The following ZNF346 variants were observed in gnomAD, a reference collection of about 807,000 sequenced individuals.
The protein encoded by ZNF346 is zinc finger protein 346.
ZNF346 carries 23 observed loss-of-function variants against 33.7 expected under a neutral mutation model. The ratio of observed to expected loss-of-function variants is 0.68; its 90% CI spans 0.49 to 0.97. The LOEUF is 0.97. Among genes scored for constraint, ZNF346 ranks in the 50% least tolerant of loss-of-function variants. The pLI is 0.00. For synonymous variants in ZNF346, 134 were observed against 142.4 expected, an observed-to-expected ratio of 0.94 and a Z score of 0.42; for missense variants, 340 against 371.1, an observed-to-expected ratio of 0.92 and a Z score of 0.69.
chr5:177,071,414 C>T (rs1166909287), downstream of ZNF346, among the ~76,000 whole-genome samples: 2 of 151,396 alleles, frequency 1.3e-5, no homozygotes, highest in African/African-American at 2.4e-5. Context: ...GCGCCAGGCG[C>T]GGTGGCTCAC....
intron 1 of ZNF346, among the ~76,000 whole-genome samples, chr5:177,029,080 C>T (rs1777307378): frequency 1.3e-5 from 2 of 152,066 alleles, no homozygotes; most frequent in Non-Finnish European, 2.9e-5. Context: ...TTTGAGAAGT[C>T]CCTAGATTAC....
At chr5:177,051,309 G>C (rs1260656879) in intron 5 of ZNF346, among the ~76,000 whole-genome samples, 1 of 150,714 alleles carries the variant, frequency 6.6e-6, no homozygotes, top group Non-Finnish European at 1.5e-5. Flanking sequence ...TGAGTAGCTG[G>C]GACTACAGGT....
At chr5:177,028,509 T>C (rs1413605467) in intron 1 of ZNF346, among the ~76,000 whole-genome samples, 2 of 135,134 alleles carry the variant, frequency 1.5e-5, no homozygotes, top group Non-Finnish European at 3.1e-5. Flanking sequence ...TATATATATA[T>C]ATATATATAT....
intron 1 of ZNF346, among the ~76,000 whole-genome samples, chr5:177,033,664 C>T (rs1778049092): frequency 6.6e-6 from 1 of 152,174 alleles, no homozygotes; most frequent in Non-Finnish European, 1.5e-5. Flanking sequence ...GCTGGGACTA[C>T]AGGCACCCGC....
At chr5:177,075,253 A>C (rs1412146559) in intron 8 of ZNF346, among the ~76,000 whole-genome samples, 1 of 131,846 alleles carries the variant, frequency 7.6e-6, no homozygotes, top group East Asian at 2.4e-4. Context: ...ACAAAAAAAA[A>C]CTAGCCGGGC....
In ZNF346 at chr5:177,022,730, G is replaced by T. The variant is rs752548766; in HGVS notation, c.-9G>T. 8.4e-6 allele frequency: 13 copies of T among 1,547,580 alleles called. No individual in the cohort carries two copies. The highest frequency in any genetic ancestry group is 1.1e-5 in the Non-Finnish European group (13 of 1,151,634). ...AGAGGCTCTCTACCGGTGAGGGTTT[G>T]CGGGGAAGATGGAGTATCCCGCGCC... On this transcript the variant is annotated 5_prime_UTR_variant, in exon 1 of 7. Coordinates refer to ENST00000358149, the MANE Select transcript of ZNF346 (RefSeq NM_012279.4).
At position 177,051,038 on chromosome 5, in the gene ZNF346, A is replaced by G; in HGVS notation, c.703+102A>G. 3 of 858,876 alleles carry G rather than the reference A, an allele frequency of 3.5e-6. No homozygotes were observed. The South Asian group carries it at 4.8e-5, about 14-fold the overall frequency. 53.2% of individuals were successfully genotyped at this position (858,876 alleles called of 1,614,324 possible). A position where few individuals can be genotyped will look rare whatever the true frequency, so the allele number is the denominator to read the frequency against. On this transcript the variant is annotated intron_variant, in intron 5 of 6. Transcript: ENST00000358149. Reference sequence around the variant, plus strand: ...CTTTTCCTCCTTAGGTCTTGTAAGTAGGGTTTGCGAACTCAGATGGCTACA... The same window carrying G: ...CTTTTCCTCCTTAGGTCTTGTAAGTGGGGTTTGCGAACTCAGATGGCTACA...
intron 1 of ZNF346, among the ~76,000 whole-genome samples, chr5:177,040,113 G>A (rs777761692): frequency 4.0e-5 from 6 of 151,296 alleles, no homozygotes; most frequent in South Asian, 2.1e-4. Context: ...CTTGGGAGGC[G>A]GAGCTTGCAG....
At chr5:177,051,810 T>A (rs888733180) in intron 5 of ZNF346, 1 of 152,286 alleles carries the variant, frequency 6.6e-6, no homozygotes, top group Non-Finnish European at 1.5e-5. Flanking sequence ...GTGCTGAGAT[T>A]ACAGGCGTGA....
At chr5:177,031,998 C>CTTTTTTTTTTTT (rs34021834) in intron 1 of ZNF346, among the ~76,000 whole-genome samples, 641 of 67,864 alleles carry the variant, frequency 9.4e-3, no homozygotes, top group Non-Finnish European at 0.014. Flanking sequence ...TTTCTTTTTT[C>CTTTTTTTTTTTT]TTTTTTTTTT....
At chr5:177,050,730 T>C (rs1780746823) in intron 4 of ZNF346, 21 bp from the exon 5 acceptor site, 4 of 1,614,062 alleles carry the variant, frequency 2.5e-6, no homozygotes, top group Non-Finnish European at 3.4e-6. Flanking sequence ...ACAAATCCTT[T>C]CCTTGTGGCC....
Position 177,062,150 on chromosome 5 carries a change from C to T in ZNF346, c.796C>T (p.Gln266Ter). 1.2e-6 allele frequency: 2 copies of T among 1,613,572 alleles called. No individual in the cohort carries two copies. Among genetic ancestry groups the T allele is most frequent in the Non-Finnish European group, 1.7e-6 (2 of 1,179,556 alleles). Reference sequence around the variant, plus strand: ...TGTCAGCGGCTTCAAACACAAGAACCAGTAAGTAACCATTTTTTGAAATTC... The same window carrying T: ...TGTCAGCGGCTTCAAACACAAGAACTAGTAAGTAACCATTTTTTGAAATTC... The part of the protein sequence containing the change: ...AHVSGFKHKN[Q>*]SPKTVASSLG... Residue 266 changes from glutamine (Q) to a stop codon, truncating the protein, a stop_gained and splice_region_variant, in exon 6 of 7, where the codon CAG becomes TAG. Coordinates refer to ENST00000358149, the MANE Select transcript of ZNF346 (RefSeq NM_012279.4). LOFTEE classifies it high-confidence loss of function.
chr5:177,056,075 C>CAAA (rs386405776), intron 5 of ZNF346, among the ~76,000 whole-genome samples: 44,227 of 96,170 alleles, frequency 0.46, 9,072 homozygotes, highest in Non-Finnish European at 0.5. Flanking sequence ...GACTCCGTCT[C>CAAA]AAAAAAAAAA....
chr5:177,061,628 T>C (rs1782562912), intron 5 of ZNF346, among the ~76,000 whole-genome samples: 1 of 152,138 alleles, frequency 6.6e-6, no homozygotes, highest in Non-Finnish European at 1.5e-5. Flanking sequence ...GAAAGACAGA[T>C]TGATTATCAT....
intron 5 of ZNF346, among the ~76,000 whole-genome samples, chr5:177,053,144 A>T (rs951175266): frequency 4.0e-4 from 61 of 152,114 alleles, no homozygotes; most frequent in African/African-American, 1.3e-3. Context: ...GGTGAAACCC[A>T]GTCTCTACTG....
chr5:177,080,060 CTCCA>C (rs1046323042), exon 9 of ZNF346: 23 of 152,434 alleles, frequency 1.5e-4, no homozygotes, highest in African/African-American at 5.5e-4. Context: ...CCCAGTTCCC[CTCCA>C]TCCACTTTGG....
chr5:177,022,710 C>T lies in ZNF346; in HGVS notation c.-29C>T. On this transcript the variant is annotated 5_prime_UTR_variant, in exon 1 of 7. Transcript: ENST00000358149. ...TCGCGATACCTAGGCGCCTGAGAGG[C>T]TCTCTACCGGTGAGGGTTTGCGGGG... is the stretch of plus-strand genomic sequence containing the variant. 6.6e-7 allele frequency: 1 copy of T among 1,523,388 alleles called. No homozygotes were observed. Among genetic ancestry groups the T allele is most frequent in the African/African-American group, 1.4e-5 (1 of 70,332 alleles). 94.4% of individuals were successfully genotyped at this position (1,523,388 alleles called of 1,614,324 possible). A position where few individuals can be genotyped will look rare whatever the true frequency, so the allele number is the denominator to read the frequency against.
At chr5:177,070,735 A>T (rs1271536487), downstream of ZNF346, among the ~76,000 whole-genome samples, 4 of 152,180 alleles carry the variant, frequency 2.6e-5, no homozygotes, top group Non-Finnish European at 5.9e-5. Flanking sequence ...AGCAGATGGC[A>T]TCTGGCATAG....
intron 5 of ZNF346, among the ~76,000 whole-genome samples, chr5:177,053,406 C>T (rs1017141049): frequency 4.6e-5 from 7 of 150,760 alleles, no homozygotes; most frequent in African/African-American, 1.2e-4. Context: ...CTACCTTGGC[C>T]GCCCAAAGGG....
Sources: allele counts gnomAD v4.1 joint callset (sites outside exome capture counted in the v4.1 genomes callset), GRCh38; gene constraint gnomAD v4.1.1; transcripts MANE v1.5; gene names NCBI Gene and HGNC (gene_info 2026-07-23, HGNC 2026-07-21).